Variants in FAT3 observed in about 807,000 individuals in gnomAD.
FAT3 encodes the protein FAT atypical cadherin 3.
In FAT3, 95 loss-of-function variants were observed where a neutral mutation model predicts 310.2. That is an observed-to-expected ratio of 0.31 (90% CI 0.26 to 0.36). FAT3 has a LOEUF of 0.36. Ranked by LOEUF, FAT3 falls within the 10% of genes least tolerant of loss-of-function variation. The probability of loss-of-function intolerance (pLI) is 1.00; values close to 1 mark genes in which losing one functional copy is unlikely to be tolerated. For synonymous variants in FAT3, 2,314 were observed against 2,192.9 expected (o/e 1.06, Z -1.54); for missense variants, 5,408 against 5,715.6 (o/e 0.95, Z 1.74).
intron 3 of FAT3, among the ~76,000 whole-genome samples, chr11:92,674,879 A>G (rs1943241091): frequency 6.6e-6 from 1 of 152,132 alleles, no homozygotes; most frequent in Admixed American, 6.5e-5. Flanking sequence ...AAATGCACAT[A>G]ATGAGGATTT....
chr11:92,603,286 A>G (rs1940117171), intron 3 of FAT3, among the ~76,000 whole-genome samples: 1 of 152,200 alleles, frequency 6.6e-6, no homozygotes. Context: ...GTGCAATTTC[A>G]TAGTAACTTC....
chr11:92,734,329 T>A (rs1000830576), intron 4 of FAT3, among the ~76,000 whole-genome samples: 2 of 152,184 alleles, frequency 1.3e-5, no homozygotes, highest in Admixed American at 6.5e-5. Context: ...ACACTAAGGA[T>A]ACAGCAAGTT....
chr11:92,590,781 A>C (rs1294770896), intron 3 of FAT3, among the ~76,000 whole-genome samples: 1 of 152,126 alleles, frequency 6.6e-6, no homozygotes, highest in Non-Finnish European at 1.5e-5. Context: ...GAAAAGAAGG[A>C]GATATGTGTA....
intron 10 of FAT3, among the ~76,000 whole-genome samples, chr11:92,804,356 A>G (rs1397833669): frequency 6.6e-6 from 1 of 151,848 alleles, no homozygotes; most frequent in Admixed American, 6.6e-5. Flanking sequence ...CTTCTTACGG[A>G]TTACATCAAG....
intron 3 of FAT3, among the ~76,000 whole-genome samples, chr11:92,667,712 G>A (rs1411430482): frequency 1.3e-5 from 2 of 152,134 alleles, no homozygotes; most frequent in African/African-American, 2.4e-5. Context: ...AGCCCTCCTC[G>A]AGGAGGTCCT....
At chr11:92,811,252 C>A (rs1947664425) in intron 13 of FAT3, among the ~76,000 whole-genome samples, 1 of 152,146 alleles carries the variant, frequency 6.6e-6, no homozygotes, top group African/African-American at 2.4e-5. Context: ...TCTCTGGACT[C>A]TTATTAGCAG....
rs997712208 is a variant in FAT3 at position 92,243,319 on chromosome 11, A to C, written c.-18+18145A>C. Among the ~76,000 whole-genome samples, 7 of 152,088 alleles carry C rather than the reference A, an allele frequency of 4.6e-5. No individual in the cohort carries two copies. In the East Asian group the frequency reaches 1.3e-3, roughly 29 times the overall value. On this transcript the variant is annotated intron_variant, in intron 1 of 27. Coordinates refer to ENST00000525166, the MANE Select transcript of FAT3 (RefSeq NM_001367949.2). Reference sequence around the variant, plus strand: ...ATTTGTCTCTGCTGTCATTGTTTCCATTACCACAGATGATTCAATTGAATG... The same window carrying C: ...ATTTGTCTCTGCTGTCATTGTTTCCCTTACCACAGATGATTCAATTGAATG...
chr11:92,587,708 G>T (rs753507661), intron 3 of FAT3, among the ~76,000 whole-genome samples: 1 of 151,928 alleles, frequency 6.6e-6, no homozygotes, highest in Non-Finnish European at 1.5e-5. Flanking sequence ...TGGTTTCAGA[G>T]TATATGGAAT....
chr11:92,421,456 T>C (rs505195), intron 2 of FAT3, among the ~76,000 whole-genome samples: 136,495 of 152,234 alleles, frequency 0.9, 61,244 homozygotes, highest in Admixed American at 0.91. Flanking sequence ...TGATCTAAGC[T>C]TGCATAAGGC....
In FAT3 at chr11:92,471,581, TACATAG is replaced by T. The variant is rs145868620; in HGVS notation, c.3293-53051_3293-53046del. On this transcript the variant is annotated intron_variant, in intron 2 of 27. Transcript: ENST00000525166. ...GAGGCTGTGAAGCAATAGAAACTCATACATAGATGGGGATGGTGTAAATTGTTTCAG... is the reference window on the plus strand; with the variant it reads ...GAGGCTGTGAAGCAATAGAAACTCATATGGGGATGGTGTAAATTGTTTCAG... Among the ~76,000 whole-genome samples, 591 of 152,226 alleles carry T rather than the reference TACATAG, an allele frequency of 3.9e-3. 6 individuals are homozygous for T. The highest frequency in any genetic ancestry group is 0.013 in the African/African-American group (556 of 41,546).
chr11:92,447,142 G>A (rs149977233), intron 2 of FAT3, among the ~76,000 whole-genome samples: 2 of 151,868 alleles, frequency 1.3e-5, no homozygotes, highest in African/African-American at 2.4e-5. Flanking sequence ...AATGATACAC[G>A]TGTGTGCCAT....
At chr11:92,597,971 GAT>G (rs893712214) in intron 3 of FAT3, among the ~76,000 whole-genome samples, 6 of 152,002 alleles carry the variant, frequency 3.9e-5, no homozygotes, top group African/African-American at 1.4e-4. Context: ...TGAAGATTCT[GAT>G]GGGGATTGGG....
intron 23 of FAT3, among the ~76,000 whole-genome samples, chr11:92,881,486 C>T (rs2136401983): frequency 6.6e-6 from 1 of 152,306 alleles, no homozygotes; most frequent in Non-Finnish European, 1.5e-5. Context: ...TAGAGCAAAT[C>T]TCCCGAGGAC....
intron 2 of FAT3, among the ~76,000 whole-genome samples, chr11:92,522,667 T>C (rs1042074369): frequency 5.9e-5 from 9 of 152,166 alleles, no homozygotes; most frequent in African/African-American, 1.9e-4. Context: ...CAAACATTAC[T>C]TTCTGATAAG....
At chr11:92,628,305 G>C (rs1437609756) in intron 3 of FAT3, among the ~76,000 whole-genome samples, 1 of 152,046 alleles carries the variant, frequency 6.6e-6, no homozygotes, top group Non-Finnish European at 1.5e-5. Flanking sequence ...TCTTCATAAG[G>C]CCTTTTTATA....
At chr11:92,341,588 A>G (rs1364446590) in intron 1 of FAT3, among the ~76,000 whole-genome samples, 4 of 152,180 alleles carry the variant, frequency 2.6e-5, no homozygotes, top group African/African-American at 9.7e-5. Context: ...AAACTTTTGG[A>G]TTGTATTCCT....
chr11:92,419,491 C>T (rs1477382740), intron 2 of FAT3, among the ~76,000 whole-genome samples: 2 of 151,978 alleles, frequency 1.3e-5, no homozygotes, highest in Non-Finnish European at 2.9e-5. Context: ...GAGTTAGGGG[C>T]TTGAAAAAAC....
chr11:92,687,883 G>A (rs1177838872), intron 3 of FAT3, among the ~76,000 whole-genome samples: 1 of 151,992 alleles, frequency 6.6e-6, no homozygotes, highest in Non-Finnish European at 1.5e-5. Flanking sequence ...TCCTTGCTAG[G>A]CATGCCTAGC....
intron 4 of FAT3, among the ~76,000 whole-genome samples, chr11:92,704,911 A>T (rs1341844056): frequency 6.6e-6 from 1 of 152,168 alleles, no homozygotes; most frequent in East Asian, 1.9e-4. Flanking sequence ...CAGCAACTAC[A>T]ATACAGTAGA....
Sources: allele counts gnomAD v4.1 joint callset (sites outside exome capture counted in the v4.1 genomes callset), GRCh38; gene constraint gnomAD v4.1.1; transcripts MANE v1.5; gene names NCBI Gene and HGNC (gene_info 2026-07-23, HGNC 2026-07-21).